TMEM255A: variants seen among roughly 807,000 people sequenced by gnomAD.
The protein encoded by TMEM255A is transmembrane protein 255A.
A neutral mutation model predicts 23.5 loss-of-function variants in TMEM255A; 14 were observed. The ratio of observed to expected loss-of-function variants is 0.60; its 90% CI spans 0.39 to 0.93. TMEM255A has a LOEUF of 0.93. Ranked by LOEUF, TMEM255A falls within the 40% of genes least tolerant of loss-of-function variation. The pLI is 0.00. For synonymous variants in TMEM255A, 104 were observed against 100.3 expected (o/e 1.04, Z -0.22); for missense variants, 233 against 261.7 (o/e 0.89, Z 0.76).
In TMEM255A at chrX:120,276,871, A is replaced by G; in HGVS notation, c.675+14T>C. On this transcript the variant is annotated intron_variant, in intron 7 of 8. Coordinates refer to ENST00000371369, the MANE Select transcript of TMEM255A (RefSeq NM_001104544.3). ...AGGGGCCACTGTGAAATGCAAAGTC[A>G]ATTCTTTCCTTACCATGTCCTTAAA... is the stretch of plus-strand genomic sequence containing the variant. 1 of 1,205,980 alleles carries G rather than the reference A, an allele frequency of 8.3e-7. No individual in the cohort carries two copies. The highest frequency in any genetic ancestry group is 1.1e-6 in the Non-Finnish European group (1 of 892,229).
Position 120,291,352 on chromosome X carries a change from A to G in TMEM255A, c.265-12T>C, listed in dbSNP as rs1422206421. On this transcript the variant is annotated splice_polypyrimidine_tract_variant and intron_variant, in intron 3 of 8. Transcript: ENST00000371369. ...ATAGAAGCCACCAGCTGTAGGGGGG[A>G]ATAAAACAAAAGCGTCTGTTAGCCT... 1.6e-5 allele frequency: 19 copies of G among 1,188,486 alleles called. No individual in the cohort carries two copies. Among genetic ancestry groups the G allele is most frequent in the Non-Finnish European group, 2.2e-5 (19 of 878,280 alleles).
At chrX:120,270,366 C>T (rs943239975) in intron 7 of TMEM255A, among the ~76,000 whole-genome samples, 1 of 107,725 alleles carries the variant, frequency 9.3e-6, no homozygotes, top group Non-Finnish European at 1.9e-5. Flanking sequence ...CCCGCCCTGC[C>T]CCCCCATTAT....
At chrX:120,306,546 G>A (rs1556027109) in intron 1 of TMEM255A, among the ~76,000 whole-genome samples, 1 of 111,122 alleles carries the variant, frequency 9.0e-6, no homozygotes. Flanking sequence ...GCCCTCCCCT[G>A]CCCCAAACTG....
At chrX:120,283,115 C>T (rs1465374909) in intron 6 of TMEM255A, among the ~76,000 whole-genome samples, 3 of 110,563 alleles carry the variant, frequency 2.7e-5, no homozygotes, top group Non-Finnish European at 5.7e-5. Flanking sequence ...GTAAAATAAC[C>T]CCAATTCCCC....
intron 3 of TMEM255A, among the ~76,000 whole-genome samples, chrX:120,293,445 A>G (rs2057931014): frequency 1.8e-5 from 2 of 112,791 alleles, no homozygotes; most frequent in South Asian, 7.2e-4. Flanking sequence ...ACTATGGGTA[A>G]TGGAGATACT....
intron 5 of TMEM255A, 61 bp from the exon 6 acceptor site, chrX:120,285,276 G>T: frequency 2.1e-6 from 2 of 969,462 alleles, no homozygotes; most frequent in Non-Finnish European, 3.0e-6. Flanking sequence ...GACCCTCTGG[G>T]ATTGGAAATG....
intron 1 of TMEM255A, among the ~76,000 whole-genome samples, chrX:120,306,698 GGTTT>G (rs782014021): frequency 8.9e-6 from 1 of 111,786 alleles, no homozygotes; most frequent in Non-Finnish European, 1.9e-5. Context: ...TTTTAATTTT[GGTTT>G]GTTTGTTTGT....
At chrX:120,285,013 A>G (rs934894598) in intron 6 of TMEM255A, 114 bp downstream of exon 6, 1 of 669,838 alleles carries the variant, frequency 1.5e-6, no homozygotes, top group Non-Finnish European at 2.4e-6. Flanking sequence ...ATCTGTTAAC[A>G]GATCAATGTC....
At chrX:120,309,356 G>C (rs1245088477) in intron 1 of TMEM255A, among the ~76,000 whole-genome samples, 1 of 113,160 alleles carries the variant, frequency 8.8e-6, no homozygotes, top group Non-Finnish European at 1.9e-5. Flanking sequence ...ACACAAGATC[G>C]CTGAGGGCCC....
chrX:120,304,032 C>T (rs986632485), intron 2 of TMEM255A, among the ~76,000 whole-genome samples: 3 of 110,606 alleles, frequency 2.7e-5, no homozygotes, highest in Non-Finnish European at 5.7e-5. Flanking sequence ...TGCAGATGCC[C>T]GGAGAGAAAG....
chrX:120,256,277 A>G (rs1556015422), downstream of TMEM255A: 1 of 123,340 alleles, frequency 8.1e-6, no homozygotes, highest in East Asian at 2.8e-4. Context: ...AAATATTCCC[A>G]TGAACATGAA....
intron 6 of TMEM255A, among the ~76,000 whole-genome samples, chrX:120,283,241 T>G (rs1165991693): frequency 4.5e-5 from 5 of 111,409 alleles, no homozygotes; most frequent in African/African-American, 9.8e-5. Flanking sequence ...AAGTGATGGT[T>G]ATTATTACAA....
intron 8 of TMEM255A, among the ~76,000 whole-genome samples, chrX:120,263,547 C>T (rs2057694617): frequency 9.0e-6 from 1 of 111,606 alleles, no homozygotes; most frequent in Non-Finnish European, 1.9e-5. Flanking sequence ...GGGCATGCTT[C>T]TCTCCAGGAG....
chrX:120,275,784 ATTTTTTTT>A (rs11342181), intron 7 of TMEM255A, among the ~76,000 whole-genome samples: 1 of 60,250 alleles, frequency 1.7e-5, no homozygotes, highest in East Asian at 8.0e-4. Flanking sequence ...GAGCCCAAGC[ATTTTTTTT>A]TTTTTTTTTT....
At chrX:120,291,109 A>G (rs1372329886) in intron 4 of TMEM255A, 142 bp downstream of exon 4, 1 of 513,951 alleles carries the variant, frequency 1.9e-6, no homozygotes. Flanking sequence ...TTGACTGCCA[A>G]CTCCTTGAGA....
intron 6 of TMEM255A, 45 bp downstream of exon 6, chrX:120,285,082 G>C: frequency 9.3e-7 from 1 of 1,077,247 alleles, no homozygotes; most frequent in Non-Finnish European, 1.3e-6. Flanking sequence ...TCTAGTGTCC[G>C]TTGTGGTCAG....
intron 5 of TMEM255A, chrX:120,285,933 T>G (rs782578589): frequency 8.6e-7 from 1 of 1,158,609 alleles, no homozygotes; most frequent in Middle Eastern, 2.4e-4. Context: ...CCCATCCAGA[T>G]GCAATGAAGT....
chrX:120,296,971 ATTATAT>A (rs2057987560), intron 2 of TMEM255A, among the ~76,000 whole-genome samples: 1 of 1,784 alleles, frequency 5.6e-4, no homozygotes, highest in African/African-American at 3.5e-3. Context: ...AATATATAAT[ATTATAT>A]ATATTATATA....
intron 6 of TMEM255A, among the ~76,000 whole-genome samples, chrX:120,279,507 G>T (rs185438743): frequency 5.3e-5 from 6 of 112,377 alleles, no homozygotes; most frequent in Non-Finnish European, 9.4e-5. Flanking sequence ...GTGTATGGGT[G>T]AGTGTGGAAC....
Sources: allele counts gnomAD v4.1 joint callset (sites outside exome capture counted in the v4.1 genomes callset), GRCh38; gene constraint gnomAD v4.1.1; transcripts MANE v1.5; gene names NCBI Gene and HGNC (gene_info 2026-07-23, HGNC 2026-07-21).